Variants in NFIB observed in about 807,000 individuals in gnomAD.
The protein encoded by NFIB is nuclear factor I B, also known as nuclear factor 1 B-type.
NFIB carries 11 observed loss-of-function variants against 61.5 expected under a neutral mutation model. The observed-to-expected ratio is 0.18, with a 90% CI of 0.11 to 0.30. The LOEUF (loss-of-function observed/expected upper bound fraction) is 0.30, where lower values mean the gene tolerates loss of function less well. Among genes scored for constraint, NFIB ranks in the 10% least tolerant of loss-of-function variants. NFIB has a pLI of 1.00. For synonymous variants in NFIB, 260 were observed against 216.5 expected, an observed-to-expected ratio of 1.20 and a Z score of -1.76; for missense variants, 471 against 608.9, an observed-to-expected ratio of 0.77 and a Z score of 2.38.
the NFIB span, among the ~76,000 whole-genome samples, chr9:14,527,978 T>C: frequency 1.3e-5 from 2 of 152,180 alleles, no homozygotes; most frequent in African/African-American, 4.8e-5. Flanking sequence ...AGCATATTTA[T>C]CAGACTCTTT....
the NFIB span, among the ~76,000 whole-genome samples, chr9:14,454,688 T>C: frequency 5.3e-5 from 8 of 152,248 alleles, no homozygotes; most frequent in African/African-American, 1.9e-4. Context: ...TTTATTGCTG[T>C]GGTAATTGTT....
At chr9:14,397,377 T>A (rs2061697272) in intron 1 of NFIB, among the ~76,000 whole-genome samples, 1 of 152,262 alleles carries the variant, frequency 6.6e-6, no homozygotes, top group Admixed American at 6.5e-5. Flanking sequence ...CTTTATGCAG[T>A]TAACAGTTCA....
the NFIB span, among the ~76,000 whole-genome samples, chr9:14,510,853 A>G: frequency 3.3e-5 from 5 of 152,256 alleles, 1 homozygote; most frequent in South Asian, 1.0e-3. Flanking sequence ...CTGAACTGCA[A>G]TACCTTTTTG....
intron 2 of NFIB, among the ~76,000 whole-genome samples, chr9:14,185,150 TA>T (rs576919479): frequency 1.3e-5 from 2 of 151,760 alleles, no homozygotes; most frequent in Admixed American, 6.6e-5. Context: ...AATATACAAA[TA>T]AAAAAATACA....
At chr9:14,423,982 T>G in the NFIB span, among the ~76,000 whole-genome samples, 2 of 151,902 alleles carry the variant, frequency 1.3e-5, no homozygotes, top group Admixed American at 1.3e-4. Context: ...CCAGAGAAGC[T>G]CGGGAATTTG....
intron 1 of NFIB, among the ~76,000 whole-genome samples, chr9:14,328,199 CA>C (rs1299086635): frequency 2.0e-5 from 3 of 152,168 alleles, no homozygotes; most frequent in Non-Finnish European, 4.4e-5. Context: ...ACCTGGAGTG[CA>C]GTGGTGCTAT....
the NFIB span, among the ~76,000 whole-genome samples, chr9:14,470,197 C>T: frequency 6.6e-6 from 1 of 152,154 alleles, no homozygotes; most frequent in East Asian, 1.9e-4. Flanking sequence ...ATGCCTGGCA[C>T]AGGTTGGAAA....
At chr9:14,213,298 G>C (rs1254088511) in intron 2 of NFIB, among the ~76,000 whole-genome samples, 1 of 149,552 alleles carries the variant, frequency 6.7e-6, no homozygotes, top group Non-Finnish European at 1.5e-5. Flanking sequence ...CCACCAGCAG[G>C]TTGATCTTTG....
At chr9:14,514,276 C>T in the NFIB span, among the ~76,000 whole-genome samples, 11,631 of 151,336 alleles carry the variant, frequency 0.077, 530 homozygotes, top group East Asian at 0.15. Flanking sequence ...ACTGAAATTT[C>T]CTAACGCGTA....
intron 3 of NFIB, among the ~76,000 whole-genome samples, chr9:14,168,700 A>C (rs186277445): frequency 6.6e-6 from 1 of 152,342 alleles, no homozygotes; most frequent in Non-Finnish European, 1.5e-5. Context: ...ATCGCTACAG[A>C]GATTAGGAAA....
chr9:14,113,156 AC>A, intron 9 of NFIB, 75 bp from the exon 10 acceptor site: 1 of 1,342,200 alleles, frequency 7.5e-7, no homozygotes, highest in Non-Finnish European at 1.0e-6. Flanking sequence ...TGTATAAGAA[AC>A]CCAGAGAAGT....
At chr9:14,326,876 CTT>C (rs1408706652) in intron 1 of NFIB, among the ~76,000 whole-genome samples, 1 of 152,020 alleles carries the variant, frequency 6.6e-6, no homozygotes, top group Non-Finnish European at 1.5e-5. Flanking sequence ...GTTTTTAAGA[CTT>C]ATAAAAATAC....
At chr9:14,348,634 CCTT>C (rs748106619) in intron 1 of NFIB, among the ~76,000 whole-genome samples, 3 of 152,320 alleles carry the variant, frequency 2.0e-5, no homozygotes, top group South Asian at 4.1e-4. Flanking sequence ...CGCCTGGAAC[CCTT>C]CTTCTTCTGC....
At chr9:14,209,724 A>G (rs1257901387) in intron 2 of NFIB, among the ~76,000 whole-genome samples, 1 of 152,188 alleles carries the variant, frequency 6.6e-6, no homozygotes, top group Admixed American at 6.5e-5. Flanking sequence ...CTGAAAAGCT[A>G]ATTTACTTAA....
chr9:14,217,660 C>CAAAAAAGAA (rs1491588239), intron 2 of NFIB, among the ~76,000 whole-genome samples: 1 of 81,524 alleles, frequency 1.2e-5, no homozygotes, highest in African/African-American at 4.9e-5. Flanking sequence ...AACTCCATCT[C>CAAAAAAGAA]AAAAAAAAAA....
chr9:14,408,476 T>C, the NFIB span, among the ~76,000 whole-genome samples: 1 of 152,180 alleles, frequency 6.6e-6, no homozygotes, highest in Non-Finnish European at 1.5e-5. Flanking sequence ...CACCCAAGTT[T>C]CAGAGACCAC....
intron 1 of NFIB, among the ~76,000 whole-genome samples, chr9:14,373,403 T>C (rs891745299): frequency 2.6e-5 from 4 of 152,220 alleles, no homozygotes; most frequent in Non-Finnish European, 5.9e-5. Flanking sequence ...CCTGTTGTAA[T>C]CACTTCCAGA....
intron 2 of NFIB, among the ~76,000 whole-genome samples, chr9:14,262,044 A>G (rs1046425145): frequency 6.6e-6 from 1 of 152,080 alleles, no homozygotes; most frequent in African/African-American, 2.4e-5. Context: ...ATTTTGGTGT[A>G]TCGGTTTCTG....
At chr9:14,090,334 A>C (rs513958) in intron 10 of NFIB, among the ~76,000 whole-genome samples, 152,277 of 152,278 alleles carry the variant, frequency 1, 76,138 homozygotes, top group Non-Finnish European at 1. Flanking sequence ...TCACATATTT[A>C]TCTTCCCACA....
Sources: gnomAD v4.1 joint callset for allele counts (sites outside exome capture counted in the v4.1 genomes callset) on GRCh38, gnomAD v4.1.1 for gene constraint, MANE v1.5 for transcripts, NCBI Gene and HGNC (gene_info 2026-07-23, HGNC 2026-07-21) for gene names.